MLLT10: variants seen among roughly 807,000 people sequenced by gnomAD.
MLLT10 encodes the protein protein AF-10.
In MLLT10, 30 loss-of-function variants were observed where a neutral mutation model predicts 129.1. The observed-to-expected ratio is 0.23, with a 90% CI of 0.17 to 0.32. The LOEUF (loss-of-function observed/expected upper bound fraction) is 0.32. Among genes scored for constraint, MLLT10 ranks in the 10% least tolerant of loss-of-function variants. MLLT10 has a pLI of 1.00. For synonymous variants in MLLT10, 490 were observed against 446.4 expected (o/e 1.10, Z -1.23); for missense variants, 1,119 against 1,268.3 (o/e 0.88, Z 1.79).
In MLLT10 at chr10:21,534,427, C is replaced by G. The variant is rs1232005404; in HGVS notation, c.-94C>G. 3 of 344,668 alleles carry G rather than the reference C, an allele frequency of 8.7e-6. No homozygotes were observed. Among genetic ancestry groups the G allele is most frequent in the African/African-American group, 4.5e-5 (2 of 44,396 alleles). 21.4% of individuals were successfully genotyped at this position (344,668 alleles called of 1,614,324 possible). On this transcript the variant is annotated 5_prime_UTR_variant, in exon 1 of 23. Coordinates refer to ENST00000307729, the MANE Select transcript of MLLT10 (RefSeq NM_001195626.3). ...GAAGACGCTGAGGAGGAGGAGGAGG[C>G]GGAGGAGGCGGTGGAGGGGAGGTGG...
chr10:21,654,876 T>A (rs1299919808), intron 9 of MLLT10, among the ~76,000 whole-genome samples: 1 of 151,974 alleles, frequency 6.6e-6, no homozygotes, highest in African/African-American at 2.4e-5. Context: ...CTGGTGAAAT[T>A]AAGGGATTGT....
chr10:21,572,699 A>G (rs1281568684), intron 3 of MLLT10, among the ~76,000 whole-genome samples: 1 of 151,528 alleles, frequency 6.6e-6, no homozygotes, highest in African/African-American at 2.4e-5. Flanking sequence ...TGCTCACTCC[A>G]TCTCCTGGGT....
chr10:21,676,720 CAAAAAAAAAAAAAAAAAAA>C (rs56000691), intron 11 of MLLT10, among the ~76,000 whole-genome samples: 354 of 32,018 alleles, frequency 0.011, 2 homozygotes, highest in South Asian at 0.04. Flanking sequence ...GACTCCATCT[CAAAAAAAAAAAAAAAAAAA>C]AAAAAAAAAA....
At chr10:21,557,231 T>G in intron 3 of MLLT10, 3 of 1,102,846 alleles carry the variant, frequency 2.7e-6, no homozygotes, top group Non-Finnish European at 3.4e-6. Context: ...AATGATTGAG[T>G]TATAACTCAG....
At chr10:21,735,737 G>A (rs2058314399) in intron 21 of MLLT10, among the ~76,000 whole-genome samples, 1 of 152,162 alleles carries the variant, frequency 6.6e-6, no homozygotes, top group South Asian at 2.1e-4. Context: ...TGGAGGTAAA[G>A]GGGCAGCTGC....
At chr10:21,603,219 AT>A (rs75168518) in intron 5 of MLLT10, among the ~76,000 whole-genome samples, 1,977 of 128,644 alleles carry the variant, frequency 0.015, 30 homozygotes, top group African/African-American at 0.049. Flanking sequence ...TGCTCGGCTA[AT>A]TTTTTTTTTT....
chr10:21,619,887 T>C (rs942088576), intron 8 of MLLT10, among the ~76,000 whole-genome samples: 1 of 151,982 alleles, frequency 6.6e-6, no homozygotes, highest in East Asian at 1.9e-4. Flanking sequence ...ACTATCTTTT[T>C]CTCCTTCCCT....
At chr10:21,689,185 G>T (rs974311666) in intron 13 of MLLT10, among the ~76,000 whole-genome samples, 1 of 152,030 alleles carries the variant, frequency 6.6e-6, no homozygotes, top group Non-Finnish European at 1.5e-5. Flanking sequence ...ATGTCTATAT[G>T]TAAGGTCCTG....
chr10:21,667,183 T>C (rs564688805), intron 9 of MLLT10, among the ~76,000 whole-genome samples: 2 of 152,230 alleles, frequency 1.3e-5, no homozygotes, highest in East Asian at 3.9e-4. Flanking sequence ...TTGCTTTCAT[T>C]CTTAATCTTT....
chr10:21,582,019 T>C (rs183162041), intron 3 of MLLT10, among the ~76,000 whole-genome samples: 1 of 152,338 alleles, frequency 6.6e-6, no homozygotes, highest in East Asian at 1.9e-4. Flanking sequence ...TTTAATCTCA[T>C]GGGACCACCA....
intron 5 of MLLT10, among the ~76,000 whole-genome samples, chr10:21,608,980 C>T (rs1398424646): frequency 6.6e-6 from 1 of 151,968 alleles, no homozygotes. Flanking sequence ...GATAATGATT[C>T]TTTCTTCTCC....
At chr10:21,718,375 CATT>C (rs2056900482) in intron 14 of MLLT10, among the ~76,000 whole-genome samples, 1 of 152,130 alleles carries the variant, frequency 6.6e-6, no homozygotes, top group Non-Finnish European at 1.5e-5. Context: ...GTAGGAGTGT[CATT>C]AATTTTTCAT....
intron 3 of MLLT10, among the ~76,000 whole-genome samples, chr10:21,584,790 T>C (rs1459966932): frequency 6.6e-6 from 1 of 151,818 alleles, no homozygotes; most frequent in Non-Finnish European, 1.5e-5. Flanking sequence ...TGTGTGTATA[T>C]ATATATAATG....
intron 13 of MLLT10, among the ~76,000 whole-genome samples, chr10:21,700,709 AT>A (rs2131469316): frequency 6.6e-6 from 1 of 152,152 alleles, no homozygotes; most frequent in East Asian, 1.9e-4. Context: ...ATCATGGTGT[AT>A]TACCTTTTGA....
chr10:21,733,162 A>C, intron 18 of MLLT10, 75 bp downstream of exon 18: 19 of 1,385,438 alleles, frequency 1.4e-5, no homozygotes, highest in Non-Finnish European at 1.9e-5. Context: ...AGTGAGTAAT[A>C]ATTGGTCACC....
chr10:21,537,272 C>T (rs988004028), intron 2 of MLLT10, among the ~76,000 whole-genome samples: 1 of 152,056 alleles, frequency 6.6e-6, no homozygotes, highest in African/African-American at 2.4e-5. Context: ...GGGTAGTACT[C>T]TGTTTTGTGA....
intron 8 of MLLT10, among the ~76,000 whole-genome samples, chr10:21,618,510 G>GA (rs1370717245): frequency 3.3e-5 from 5 of 149,954 alleles, no homozygotes; most frequent in Non-Finnish European, 5.9e-5. Context: ...TGTCTCAAAA[G>GA]AAAAAAAAAA....
chr10:21,622,835 A>G (rs1213526361), intron 8 of MLLT10, among the ~76,000 whole-genome samples: 1 of 152,162 alleles, frequency 6.6e-6, no homozygotes, highest in Non-Finnish European at 1.5e-5. Context: ...GTCCCACGAG[A>G]CTGCCCCCAC....
chr10:21,562,809 GTTTTTTTTGTTT>G (rs777566227), intron 3 of MLLT10, among the ~76,000 whole-genome samples: 2,649 of 76,488 alleles, frequency 0.035, 65 homozygotes, highest in Middle Eastern at 0.098. Flanking sequence ...CATATACTTT[GTTTTTTTTGTTT>G]TTTTTTTTTT....
Sources: allele counts gnomAD v4.1 joint callset (sites outside exome capture counted in the v4.1 genomes callset), GRCh38; gene constraint gnomAD v4.1.1; transcripts MANE v1.5; gene names NCBI Gene and HGNC (gene_info 2026-07-23, HGNC 2026-07-21).